TRPC7: variants seen among roughly 807,000 people sequenced by gnomAD.
TRPC7 encodes short transient receptor potential channel 7.
Under a neutral mutation model 90.1 loss-of-function variants are expected in TRPC7, and 42 were observed. That is an observed-to-expected ratio of 0.47 (90% confidence interval 0.36 to 0.60). The LOEUF is 0.60. Ranked by LOEUF, TRPC7 falls within the 20% of genes least tolerant of loss-of-function variation. The pLI is 0.00. For synonymous variants in TRPC7, 451 were observed against 436.3 expected (o/e 1.03, Z -0.42); for missense variants, 955 against 1,112.3 (o/e 0.86, Z 2.01).
chr5:136,348,613 T>A (rs1442521530), intron 2 of TRPC7, among the ~76,000 whole-genome samples: 1 of 152,240 alleles, frequency 6.6e-6, no homozygotes, highest in Non-Finnish European at 1.5e-5. Flanking sequence ...GTTCATTTTA[T>A]GTCAGCATCC....
intron 6 of TRPC7, among the ~76,000 whole-genome samples, chr5:136,251,417 C>CA (rs1756512374): frequency 6.6e-6 from 1 of 152,220 alleles, no homozygotes; most frequent in African/African-American, 2.4e-5. Flanking sequence ...ATTCATTTCT[C>CA]AAAGTCACTA....
intron 2 of TRPC7, among the ~76,000 whole-genome samples, chr5:136,334,286 T>C (rs1436151917): frequency 6.6e-6 from 1 of 152,246 alleles, no homozygotes; most frequent in Non-Finnish European, 1.5e-5. Context: ...ACCATATGTA[T>C]AGAAGTGACT....
chr5:136,349,736 G>C (rs1760130225), intron 2 of TRPC7, among the ~76,000 whole-genome samples: 1 of 152,148 alleles, frequency 6.6e-6, no homozygotes. Context: ...GACAGATTAG[G>C]GTAAGAGCAA....
chr5:136,318,138 G>A (rs1759086305), intron 2 of TRPC7, among the ~76,000 whole-genome samples: 1 of 152,168 alleles, frequency 6.6e-6, no homozygotes, highest in South Asian at 2.1e-4. Context: ...GAAGCAGAGA[G>A]GGCCATTGAT....
chr5:136,270,127 G>C (rs1254100698), intron 4 of TRPC7, among the ~76,000 whole-genome samples: 1 of 152,166 alleles, frequency 6.6e-6, no homozygotes, highest in East Asian at 1.9e-4. Flanking sequence ...GTTTATGTTA[G>C]GCGTTGAAGG....
Position 136,356,799 on chromosome 5 carries a change from A to G in TRPC7, c.589T>C (p.Phe197Leu). ...GARIERPHDY[F>L]CKCNECTEKQ... ...TCGGTGCACTCATTGCACTTGCAGA[A>G]GTAGTCGTGGGGCCGCTCGATGCGG... is the stretch of plus-strand genomic sequence containing the variant. The change falls in exon 2 of 12, where the codon TTC becomes CTC. Residue 197 changes from phenylalanine to leucine, a missense_variant. Coordinates refer to ENST00000513104, the MANE Select transcript of TRPC7 (RefSeq NM_020389.3). 6.2e-7 allele frequency: 1 copy of G among 1,612,792 alleles called. No individual in the cohort carries two copies. The highest frequency in any genetic ancestry group is 8.5e-7 in the Non-Finnish European group (1 of 1,179,182).
chr5:136,273,846 G>A (rs897680188), intron 4 of TRPC7, among the ~76,000 whole-genome samples: 1 of 152,150 alleles, frequency 6.6e-6, no homozygotes, highest in African/African-American at 2.4e-5. Flanking sequence ...ATTTCTGCAT[G>A]GTTTGGTCTT....
At chr5:136,270,811 CA>C (rs2149814030) in intron 4 of TRPC7, among the ~76,000 whole-genome samples, 1 of 152,320 alleles carries the variant, frequency 6.6e-6, no homozygotes, top group South Asian at 2.1e-4. Context: ...AGCAGGGTGA[CA>C]GGTGCTGGAC....
intron 2 of TRPC7, among the ~76,000 whole-genome samples, chr5:136,353,631 A>G (rs1760269481): frequency 6.6e-6 from 1 of 152,198 alleles, no homozygotes; most frequent in African/African-American, 2.4e-5. Context: ...TGCACATATA[A>G]GGCTAACTGA....
intron 4 of TRPC7, among the ~76,000 whole-genome samples, chr5:136,266,695 C>T (rs1165676530): frequency 6.6e-6 from 1 of 152,180 alleles, no homozygotes. Flanking sequence ...CTGACATAAT[C>T]ATCATGCTAC....
chr5:136,336,198 T>C lies in TRPC7; in HGVS notation c.780+20410A>G, dbSNP rs1172828006. ...TCACGTTGCAGGCAGTTCATTGCTGTCTCCTCTGTGTTCTCACAGTATTTT... is the reference window on the plus strand; with the variant it reads ...TCACGTTGCAGGCAGTTCATTGCTGCCTCCTCTGTGTTCTCACAGTATTTT... On this transcript the variant is annotated intron_variant, in intron 2 of 11. Transcript: ENST00000513104. 3.9e-5 allele frequency among the ~76,000 whole-genome samples: 6 copies of C among 152,208 alleles called. No individual in the cohort carries two copies. The East Asian group carries it at 1.2e-3, about 29-fold the overall frequency.
At chr5:136,239,232 C>T (rs1242974830) in intron 7 of TRPC7, among the ~76,000 whole-genome samples, 1 of 152,178 alleles carries the variant, frequency 6.6e-6, no homozygotes, top group Non-Finnish European at 1.5e-5. Flanking sequence ...AGCAATCCAC[C>T]CACCTTGGCC....
chr5:136,360,938 C>T (rs766604018), intron 1 of TRPC7, among the ~76,000 whole-genome samples: 16 of 152,132 alleles, frequency 1.1e-4, no homozygotes, highest in Non-Finnish European at 2.1e-4. Context: ...TATTCAGCCA[C>T]CATATCCTTG....
In TRPC7 at chr5:136,269,943, TC is replaced by T. The variant is rs199546670; in HGVS notation, c.1129-3508del. 6.2e-3 allele frequency among the ~76,000 whole-genome samples: 941 copies of T among 152,300 alleles called. 9 individuals are homozygous for T. Among genetic ancestry groups the T allele is most frequent in the African/African-American group, 0.021 (861 of 41,570 alleles). On this transcript the variant is annotated intron_variant, in intron 4 of 11. Transcript: ENST00000513104. ...ATTTCTCCACACATTTCAATGTGAA[TC>T]CACACTTTGTCCTGGGGGCTGAAGA...
intron 8 of TRPC7, among the ~76,000 whole-genome samples, chr5:136,230,174 T>C (rs1456760857): frequency 6.6e-6 from 1 of 152,258 alleles, no homozygotes; most frequent in Non-Finnish European, 1.5e-5. Context: ...TAAAATGATA[T>C]TGGATCTATT....
intron 3 of TRPC7, among the ~76,000 whole-genome samples, chr5:136,289,355 C>T (rs1257632585): frequency 2.0e-5 from 3 of 152,200 alleles, no homozygotes; most frequent in African/African-American, 7.2e-5. Context: ...CATCGCCTCA[C>T]CTGGGAAGTG....
chr5:136,298,306 T>C (rs576209155), intron 3 of TRPC7, among the ~76,000 whole-genome samples: 1 of 151,842 alleles, frequency 6.6e-6, no homozygotes, highest in Non-Finnish European at 1.5e-5. Context: ...TAGCATGGAG[T>C]GCTGAAGGAA....
intron 5 of TRPC7, among the ~76,000 whole-genome samples, chr5:136,262,726 T>C (rs1443901236): frequency 6.6e-6 from 1 of 152,170 alleles, no homozygotes; most frequent in Non-Finnish European, 1.5e-5. Flanking sequence ...ACATAAATAA[T>C]ATTTTTAGGC....
intron 4 of TRPC7, among the ~76,000 whole-genome samples, chr5:136,267,278 G>A (rs923520723): frequency 4.6e-5 from 7 of 152,142 alleles, no homozygotes; most frequent in Non-Finnish European, 1.0e-4. Context: ...AGGGCTGCAC[G>A]TTGAGTACTT....
Sources: allele counts gnomAD v4.1 joint callset (sites outside exome capture counted in the v4.1 genomes callset), GRCh38; gene constraint gnomAD v4.1.1; transcripts MANE v1.5; gene names NCBI Gene and HGNC (gene_info 2026-07-23, HGNC 2026-07-21).